Variants in RIMS2 observed in about 807,000 individuals in gnomAD.
RIMS2 encodes regulating synaptic membrane exocytosis protein 2.
RIMS2 carries 59 observed loss-of-function variants against 174.4 expected under a neutral mutation model. The ratio of observed to expected loss-of-function variants is 0.34; its 90% CI spans 0.27 to 0.42. The LOEUF (loss-of-function observed/expected upper bound fraction) is 0.42. RIMS2 is among the 10% of genes least tolerant of loss of function. The pLI, the probability that RIMS2 is intolerant of heterozygous loss-of-function variation, is 1.00. For missense variants in RIMS2, 1,620 were observed against 1,666.3 expected (o/e 0.97, Z 0.48); for synonymous variants, 606 against 572.5 (o/e 1.06, Z -0.84).
intron 19 of RIMS2, among the ~76,000 whole-genome samples, chr8:104,209,122 G>C (rs1000008662): frequency 3.3e-5 from 5 of 152,214 alleles, no homozygotes; most frequent in Non-Finnish European, 7.3e-5. Context: ...ATGGAGAGGA[G>C]CAAGTGTTAG....
intron 1 of RIMS2, among the ~76,000 whole-genome samples, chr8:103,621,844 A>G (rs2095642506): frequency 6.6e-6 from 1 of 150,834 alleles, no homozygotes; most frequent in Admixed American, 6.6e-5. Flanking sequence ...TCATATATGT[A>G]TGGTAGCAAA....
At chr8:104,013,564 G>A (rs542594833) in exon 18 of RIMS2, 6 of 1,613,648 alleles carry the variant, frequency 3.7e-6, no homozygotes, top group East Asian at 4.5e-5. Context: ...AACCTCATGA[G>A]GTCGATGCCT....
At chr8:103,869,855 A>T (rs2099101925) in intron 3 of RIMS2, among the ~76,000 whole-genome samples, 1 of 152,200 alleles carries the variant, frequency 6.6e-6, no homozygotes, top group Non-Finnish European at 1.5e-5. Context: ...TGGGATAAAC[A>T]GAACAGTGGT....
intron 8 of RIMS2, among the ~76,000 whole-genome samples, chr8:103,917,700 G>T (rs1160806041): frequency 6.6e-6 from 1 of 152,016 alleles, no homozygotes; most frequent in Non-Finnish European, 1.5e-5. Context: ...AAACATGTTT[G>T]CCTTTTTCTC....
At chr8:104,251,322 G>A (rs571887767) in intron 23 of RIMS2, among the ~76,000 whole-genome samples, 159 bp downstream of exon 29, 4 of 152,190 alleles carry the variant, frequency 2.6e-5, no homozygotes, top group East Asian at 1.9e-4. Flanking sequence ...AGCAATATAC[G>A]TTGTCATTTT....
chr8:103,834,359 G>A (rs1223574227), intron 3 of RIMS2, among the ~76,000 whole-genome samples: 1 of 121,262 alleles, frequency 8.2e-6, no homozygotes, highest in African/African-American at 3.0e-5. Context: ...TTTAAGAAAT[G>A]GGAGTCTCAT....
At chr8:103,854,800 A>G (rs535405643) in intron 3 of RIMS2, among the ~76,000 whole-genome samples, 14 of 152,074 alleles carry the variant, frequency 9.2e-5, no homozygotes, top group South Asian at 4.2e-4. Flanking sequence ...ATCTATGTTT[A>G]TCAGGGATAT....
intron 3 of RIMS2, among the ~76,000 whole-genome samples, chr8:103,842,316 G>T (rs886099876): frequency 1.3e-5 from 2 of 151,850 alleles, no homozygotes; most frequent in Non-Finnish European, 2.9e-5. Flanking sequence ...ATAGAAAGAA[G>T]AATTAAAGAA....
At chr8:103,898,136 G>A (rs558611113) in intron 4 of RIMS2, among the ~76,000 whole-genome samples, 1 of 151,678 alleles carries the variant, frequency 6.6e-6, no homozygotes, top group Admixed American at 6.6e-5. Context: ...GGTGTTACAG[G>A]CCTCTGAATC....
chr8:103,501,966 G>C (rs58850105), intron 1 of RIMS2, among the ~76,000 whole-genome samples: 10,025 of 152,230 alleles, frequency 0.066, 1,092 homozygotes, highest in African/African-American at 0.23. Context: ...TCTGGTTAGC[G>C]TAGCAAAGAG....
chr8:103,762,734 C>A (rs2098125544), intron 2 of RIMS2, among the ~76,000 whole-genome samples: 1 of 152,064 alleles, frequency 6.6e-6, no homozygotes, highest in South Asian at 2.1e-4. Flanking sequence ...CATCATTAGG[C>A]AATTTTGTCA....
chr8:104,196,200 T>A (rs1337913994), intron 19 of RIMS2, among the ~76,000 whole-genome samples: 1 of 152,086 alleles, frequency 6.6e-6, no homozygotes. Context: ...AATTCCAAAG[T>A]CTTATAATGA....
rs183494836 is a variant in RIMS2 at position 104,024,524 on chromosome 8, T to C, written c.3334+9909T>C. ...TGTTGTAGATTGTGTTCTCTTTGCA[T>C]GGACTTCAACCGGTTTCGTTGTTGT... On this transcript the variant is annotated intron_variant, in intron 19 of 23. Coordinates refer to ENST00000504942, the Ensembl canonical transcript of RIMS2. Among the ~76,000 whole-genome samples, 51 of 152,064 alleles carry C rather than the reference T, an allele frequency of 3.4e-4. No individual in the cohort carries two copies. The Middle Eastern group carries it at 0.014, about 41-fold the overall frequency.
At chr8:103,649,875 AT>A (rs2096417090) in intron 1 of RIMS2, among the ~76,000 whole-genome samples, 1 of 151,852 alleles carries the variant, frequency 6.6e-6, no homozygotes, top group African/African-American at 2.4e-5. Context: ...ATGCTCCTTT[AT>A]CTCAGCAAAG....
In RIMS2 at chr8:103,942,756, G is replaced by T. The variant is rs755548930; in HGVS notation, c.2548-17G>T. 6.3e-7 allele frequency: 1 copy of T among 1,592,438 alleles called. No individual in the cohort carries two copies. On this transcript the variant is annotated splice_polypyrimidine_tract_variant and intron_variant, in intron 13 of 23. Transcript: ENST00000504942. Reference sequence around the variant, plus strand: ...TATTGGTATATTATAACCGTCCTTTGTCTCTTGGGTTTGTAGATTTTAATT... The same window carrying T: ...TATTGGTATATTATAACCGTCCTTTTTCTCTTGGGTTTGTAGATTTTAATT...
chr8:103,580,852 CAG>C (rs1417903253), intron 1 of RIMS2, among the ~76,000 whole-genome samples: 140 of 91,946 alleles, frequency 1.5e-3, no homozygotes, highest in Admixed American at 4.3e-3. Flanking sequence ...TTTTTTGAGA[CAG>C]AGTCTCGCTC....
At chr8:104,205,647 A>G (rs1464476070) in intron 19 of RIMS2, among the ~76,000 whole-genome samples, 2 of 152,148 alleles carry the variant, frequency 1.3e-5, no homozygotes, top group Non-Finnish European at 2.9e-5. Flanking sequence ...ACTTAAAGTG[A>G]TAGTTAAGAA....
At chr8:103,689,145 T>G (rs1472475182) in intron 1 of RIMS2, among the ~76,000 whole-genome samples, 2 of 152,128 alleles carry the variant, frequency 1.3e-5, no homozygotes, top group Non-Finnish European at 2.9e-5. Flanking sequence ...TTAACTTCCA[T>G]GTGTTTGCAT....
At chr8:103,526,047 G>A (rs1833836335) in intron 1 of RIMS2, among the ~76,000 whole-genome samples, 1 of 152,210 alleles carries the variant, frequency 6.6e-6, no homozygotes, top group African/African-American at 2.4e-5. Flanking sequence ...GTTTCCAGTA[G>A]AGGTGGCCAA....
Sources: gnomAD v4.1 joint callset for allele counts (sites outside exome capture counted in the v4.1 genomes callset) on GRCh38, gnomAD v4.1.1 for gene constraint, MANE v1.5 for transcripts, NCBI Gene and HGNC (gene_info 2026-07-23, HGNC 2026-07-21) for gene names.